Variants in TINAGL1 observed in about 807,000 individuals in gnomAD.
The protein encoded by TINAGL1 is tubulointerstitial nephritis antigen-like.
TINAGL1 carries 34 observed loss-of-function variants against 62.0 expected under a neutral mutation model. The observed-to-expected ratio is 0.55, with a 90% CI of 0.42 to 0.73. The LOEUF is 0.73. Among genes scored for constraint, TINAGL1 ranks in the 30% least tolerant of loss-of-function variants. TINAGL1 has a pLI of 0.00. For synonymous variants in TINAGL1, 221 were observed against 249.7 expected, an observed-to-expected ratio of 0.88 and a Z score of 1.08; for missense variants, 516 against 653.2, an observed-to-expected ratio of 0.79 and a Z score of 2.29.
Position 31,583,349 on chromosome 1 carries a change from T to A in TINAGL1, c.467+108T>A, listed in dbSNP as rs934468290. 8 of 1,464,432 alleles carry A rather than the reference T, an allele frequency of 5.5e-6. No individual in the cohort carries two copies. In the African/African-American group the frequency reaches 1.1e-4, roughly 20 times the overall value. The allele number at this position is 1,464,432 out of a possible 1,614,324, so 90.7% of individuals were successfully genotyped here. On this transcript the variant is annotated intron_variant, in intron 4 of 11. Coordinates refer to ENST00000271064, the MANE Select transcript of TINAGL1 (RefSeq NM_022164.3). The surrounding 1 kb of genome is among the most constrained non-coding windows in gnomAD (Gnocchi z 4.4). Reference sequence around the variant, plus strand: ...CCAGCAGGCCACTCCTACACCCAGATTTGACTGTGTGTGCGCTCAGCCACT... The same window carrying A: ...CCAGCAGGCCACTCCTACACCCAGAATTGACTGTGTGTGCGCTCAGCCACT...
At chr1:31,579,705 T>C (rs1639157958) in intron 3 of TINAGL1, 1 of 166,494 alleles carries the variant, frequency 6.0e-6, no homozygotes, top group South Asian at 1.6e-4. Context: ...TTCCCTGAAA[T>C]GTGGCCCCTT....
Position 31,586,892 on chromosome 1 carries a change from C to T in TINAGL1, c.1317C>T (p.Ile439=). ...PAWGERGHFR[I]VRGVNECDIE... is the part of the protein sequence containing the mutation. The stretch of plus-strand genomic sequence containing the variant: ...GGGGCGAGAGGGGCCACTTCCGCAT[C>T]GTGCGCGGCGTCAATGAGTGCGACA... Residue 439 remains isoleucine, a synonymous_variant, in exon 12 of 12, where the codon ATC becomes ATT. Transcript: ENST00000271064. 1.3e-6 allele frequency: 2 copies of T among 1,546,182 alleles called. No homozygotes were observed. Among genetic ancestry groups the T allele is most frequent in the Non-Finnish European group, 1.7e-6 (2 of 1,147,808 alleles).
chr1:31,580,350 T>G (rs916921644), intron 3 of TINAGL1: 4 of 1,285,942 alleles, frequency 3.1e-6, no homozygotes, highest in Middle Eastern at 4.3e-4. Flanking sequence ...TGGGCAGCCC[T>G]GGGGGCAAAG....
chr1:31,584,561 G>C lies in TINAGL1; in HGVS notation c.583-117G>C, dbSNP rs1639334328. 6.6e-7 allele frequency: 1 copy of C among 1,509,436 alleles called. No individual in the cohort carries two copies. 93.5% of individuals were successfully genotyped at this position (1,509,436 alleles called of 1,614,324 possible). A position where few individuals can be genotyped will look rare whatever the true frequency, so the allele number is the denominator to read the frequency against. Reference sequence around the variant, plus strand: ...CAGCTGGAATCCTGCAGCAGCAGGAGGGCTCAAGATTAAACTGCAGAAGGC... The same window carrying C: ...CAGCTGGAATCCTGCAGCAGCAGGACGGCTCAAGATTAAACTGCAGAAGGC... On this transcript the variant is annotated intron_variant, in intron 5 of 11. Transcript: ENST00000271064. The surrounding 1 kb of genome is among the most constrained non-coding windows in gnomAD (Gnocchi z 4.0).
In TINAGL1 at chr1:31,577,068, G is replaced by C; in HGVS notation, c.-15-66G>C. ...GGGCCCTCTTGAACTCACAGCTCCA[G>C]GAAACTGGGAGACTCATCCCTGGTG... On this transcript the variant is annotated intron_variant, in intron 1 of 11. Coordinates refer to ENST00000271064, the MANE Select transcript of TINAGL1 (RefSeq NM_022164.3). The surrounding 1 kb of genome is among the most constrained non-coding windows in gnomAD (Gnocchi z 5.4). 7.3e-7 allele frequency: 1 copy of C among 1,364,924 alleles called. No homozygotes were observed. Among genetic ancestry groups the C allele is most frequent in the Non-Finnish European group, 9.6e-7 (1 of 1,037,752 alleles). 84.6% of individuals were successfully genotyped at this position (1,364,924 alleles called of 1,614,324 possible). A position where few individuals can be genotyped will look rare whatever the true frequency, so the allele number is the denominator to read the frequency against.
Position 31,585,980 on chromosome 1 carries a change from C to G in TINAGL1, c.1217+104C>G. 7.3e-7 allele frequency: 1 copy of G among 1,375,694 alleles called. No individual in the cohort carries two copies. The highest frequency in any genetic ancestry group is 9.6e-7 in the Non-Finnish European group (1 of 1,041,908). The allele number at this position is 1,375,694 out of a possible 1,614,324, so 85.2% of individuals were successfully genotyped here. A position where few individuals can be genotyped will look rare whatever the true frequency, so the allele number is the denominator to read the frequency against. ...CAACCTCTCTAAAAAGCCAGGACTG[C>G]TCTCATCATTTCAATAGGGAGAAAA... is the stretch of plus-strand genomic sequence containing the variant. On this transcript the variant is annotated intron_variant, in intron 10 of 11. Coordinates refer to ENST00000271064, the MANE Select transcript of TINAGL1 (RefSeq NM_022164.3). The surrounding 1 kb of genome is among the most constrained non-coding windows in gnomAD (Gnocchi z 4.3).
At chr1:31,582,340 G>A (rs528468128) in intron 3 of TINAGL1, among the ~76,000 whole-genome samples, 6 of 148,938 alleles carry the variant, frequency 4.0e-5, no homozygotes, top group South Asian at 2.1e-4. Flanking sequence ...AAAAAAAAGC[G>A]GGGAGGAAGG....
At chr1:31,581,290 G>C (rs918657111) in intron 3 of TINAGL1, among the ~76,000 whole-genome samples, 1 of 152,160 alleles carries the variant, frequency 6.6e-6, no homozygotes, top group Non-Finnish European at 1.5e-5. Context: ...GGGTAGGGAG[G>C]GGATGGCCGG....
Position 31,585,702 on chromosome 1 carries a change from A to G in TINAGL1, c.1094-51A>G. The G allele has an allele frequency of 1.3e-6, 2 of 1,589,764 alleles. No homozygotes were observed. The highest frequency in any genetic ancestry group is 2.7e-5 in the African/African-American group (2 of 74,610). ...GCACATCTCAATAGACTCAGGCTCC[A>G]GTGCCTGTGCCAACGGGCTGAGTGG... On this transcript the variant is annotated intron_variant, in intron 9 of 11. Coordinates refer to ENST00000271064, the MANE Select transcript of TINAGL1 (RefSeq NM_022164.3). This position sits in a 1 kb window ranked among gnomAD's most constrained non-coding sequence, Gnocchi z 4.3.
Position 31,585,141 on chromosome 1 carries a change from G to T in TINAGL1, c.858-10G>T. The T allele has an allele frequency of 3.2e-6, 5 of 1,569,844 alleles. No individual in the cohort carries two copies. Among genetic ancestry groups the T allele is most frequent in the Non-Finnish European group, 4.3e-6 (5 of 1,155,006 alleles). On this transcript the variant is annotated splice_polypyrimidine_tract_variant and intron_variant, in intron 7 of 11. Coordinates refer to ENST00000271064, the MANE Select transcript of TINAGL1 (RefSeq NM_022164.3). This position sits in a 1 kb window ranked among gnomAD's most constrained non-coding sequence, Gnocchi z 4.3. Reference sequence around the variant, plus strand: ...CTTTCTGCCTTTGCTCCCTCTTGCTGCCTTTGCAGGGTGGTGTCTGACCAC... The same window carrying T: ...CTTTCTGCCTTTGCTCCCTCTTGCTTCCTTTGCAGGGTGGTGTCTGACCAC...
chr1:31,584,692 A>G lies in TINAGL1; in HGVS notation c.597A>G (p.Pro199=). The G allele has an allele frequency of 1.9e-6, 3 of 1,613,796 alleles. No individual in the cohort carries two copies. In the South Asian group the frequency reaches 3.3e-5, roughly 18 times the overall value. The change falls in exon 6 of 12, where the codon CCA becomes CCG. Residue 199 remains proline (P), a synonymous_variant. Transcript: ENST00000271064. This position sits in a 1 kb window ranked among gnomAD's most constrained non-coding sequence, Gnocchi z 4.0. ...TTATCTTGCAGACAGTGCTGAACCC[A>G]GGGGAGGTGCTTCCCACAGCCTTCG... The part of the protein sequence containing the change: ...NMHEIYTVLN[P]GEVLPTAFEA...
Position 31,583,709 on chromosome 1 carries a change from C to G in TINAGL1, c.582+134C>G, listed in dbSNP as rs1378933023. The G allele has an allele frequency of 4.2e-6, 3 of 722,494 alleles. No homozygotes were observed. The highest frequency in any genetic ancestry group is 2.7e-5 in the East Asian group (1 of 36,746). The allele number at this position is 722,494 out of a possible 1,614,324, so 44.8% of individuals were successfully genotyped here. On this transcript the variant is annotated intron_variant, in intron 5 of 11. Coordinates refer to ENST00000271064, the MANE Select transcript of TINAGL1 (RefSeq NM_022164.3). This position sits in a 1 kb window ranked among gnomAD's most constrained non-coding sequence, Gnocchi z 4.4. ...AGGCTGTGTGTCCCTGGACAAGTTA[C>G]TCCCCTTCTCTGGGCCTCTGTTCCC...
chr1:31,584,166 G>A lies in TINAGL1; in HGVS notation c.583-512G>A, dbSNP rs907885315. On this transcript the variant is annotated intron_variant, in intron 5 of 11. Transcript: ENST00000271064. This position sits in a 1 kb window ranked among gnomAD's most constrained non-coding sequence, Gnocchi z 4.0. The stretch of plus-strand genomic sequence containing the variant: ...GGCTGGCAGGAGTGGCCCTCCCTGC[G>A]GAGACTTCGGCCTTGGGTGACCAGA... The A allele has an allele frequency of 3.0e-5, 5 of 168,692 alleles. No homozygotes were observed. The highest frequency in any genetic ancestry group is 1.1e-4 in the Admixed American group (2 of 18,134). 10.4% of individuals were successfully genotyped at this position (168,692 alleles called of 1,614,324 possible). A position where few individuals can be genotyped will look rare whatever the true frequency, so the allele number is the denominator to read the frequency against.
rs773638525 is a variant in TINAGL1 at position 31,583,482 on chromosome 1, C to T, written c.489C>T (p.Ser163=). 57 of 1,613,872 alleles carry T rather than the reference C, an allele frequency of 3.5e-5. No individual in the cohort carries two copies. The highest frequency in any genetic ancestry group is 4.6e-5 in the Non-Finnish European group (54 of 1,179,948). Residue 163 remains serine, a synonymous_variant, in exon 5 of 12, where the codon AGC becomes AGT. Coordinates refer to ENST00000271064, the MANE Select transcript of TINAGL1 (RefSeq NM_022164.3). The surrounding 1 kb of genome is among the most constrained non-coding windows in gnomAD (Gnocchi z 4.4). The stretch of plus-strand genomic sequence containing the variant: ...TCAGCTGGCAGGCTGGGAACCACAG[C>T]GCCTTCTGGGGCATGACCCTGGATG... The part of the protein sequence containing the change: ...GNYGWQAGNH[S]AFWGMTLDEG...
Position 31,584,794 on chromosome 1 carries a change from C to T in TINAGL1, c.699C>T (p.Ser233=). The T allele has an allele frequency of 4.3e-6, 7 of 1,614,270 alleles. No individual in the cohort carries two copies. Among genetic ancestry groups the T allele is most frequent in the Non-Finnish European group, 5.9e-6 (7 of 1,180,042 alleles). ...QGNCAGSWAF[S]TAAVASDRVS... ...ACTGTGCAGGCTCCTGGGCCTTCTCCACAGCAGGTAAGCCAAGGGCAAGGG... is the reference window on the plus strand; with the variant it reads ...ACTGTGCAGGCTCCTGGGCCTTCTCTACAGCAGGTAAGCCAAGGGCAAGGG... The change falls in exon 6 of 12, where the codon TCC becomes TCT. Residue 233 remains serine (S), a synonymous_variant. Coordinates refer to ENST00000271064, the MANE Select transcript of TINAGL1 (RefSeq NM_022164.3). This position sits in a 1 kb window ranked among gnomAD's most constrained non-coding sequence, Gnocchi z 4.0.
At chr1:31,579,301 G>T in intron 3 of TINAGL1, 34 bp downstream of exon 3, 1 of 1,591,766 alleles carries the variant, frequency 6.3e-7, no homozygotes, top group South Asian at 1.1e-5. Context: ...GTCTTGCTTT[G>T]TGAGCCTGTG....
chr1:31,587,093 G>T lies in TINAGL1; in HGVS notation c.*114G>T. ...CCGACAGAGCCCGGGGCGCAGGCGG[G>T]CGCCAGGGCGCTAATCCCGGCGCGG... On this transcript the variant is annotated 3_prime_UTR_variant, in exon 12 of 12. Coordinates refer to ENST00000271064, the MANE Select transcript of TINAGL1 (RefSeq NM_022164.3). The T allele has an allele frequency of 7.6e-7, 1 of 1,318,782 alleles. No homozygotes were observed. Among genetic ancestry groups the T allele is most frequent in the Non-Finnish European group, 9.6e-7 (1 of 1,038,228 alleles). 81.7% of individuals were successfully genotyped at this position (1,318,782 alleles called of 1,614,324 possible). A position where few individuals can be genotyped will look rare whatever the true frequency, so the allele number is the denominator to read the frequency against.
At position 31,584,524 on chromosome 1, in the gene TINAGL1, C is replaced by A; in HGVS notation, c.583-154C>A. ...TGGTGCTTGGTTCTTCAACACAAGT[C>A]AAAATTGGAGGCAGCTGGAATCCTG... is the stretch of plus-strand genomic sequence containing the variant. On this transcript the variant is annotated intron_variant, in intron 5 of 11. Transcript: ENST00000271064. This position sits in a 1 kb window ranked among gnomAD's most constrained non-coding sequence, Gnocchi z 4.0. 7.9e-7 allele frequency: 1 copy of A among 1,262,014 alleles called. No individual in the cohort carries two copies. Among genetic ancestry groups the A allele is most frequent in the Non-Finnish European group, 1.1e-6 (1 of 905,340 alleles). The allele number at this position is 1,262,014 out of a possible 1,614,324, so 78.2% of individuals were successfully genotyped here.
chr1:31,579,623 A>G (rs577281268), intron 3 of TINAGL1: 59 of 222,796 alleles, frequency 2.6e-4, no homozygotes, highest in African/African-American at 1.3e-3. Flanking sequence ...CTCTGACTGC[A>G]GCATCCGCTG....
Sources: allele counts gnomAD v4.1 joint callset (sites outside exome capture counted in the v4.1 genomes callset), GRCh38; gene constraint gnomAD v4.1.1; non-coding constraint Gnocchi (gnomAD v3.1); transcripts MANE v1.5; gene names NCBI Gene and HGNC (gene_info 2026-07-23, HGNC 2026-07-21).